FGF13: variants seen among roughly 807,000 people sequenced by gnomAD.
FGF13 encodes fibroblast growth factor homologous factor 2.
Under a neutral mutation model 19.5 loss-of-function variants are expected in FGF13, and 2 were observed. That is an observed-to-expected ratio of 0.10 (90% confidence interval 0.04 to 0.32). The LOEUF (loss-of-function observed/expected upper bound fraction) is 0.32, where lower values mean the gene tolerates loss of function less well. Ranked by LOEUF, FGF13 falls within the 10% of genes least tolerant of loss-of-function variation. The pLI, the probability that FGF13 is intolerant of heterozygous loss-of-function variation, is 1.00. For synonymous variants in FGF13, 72 were observed against 76.9 expected, an observed-to-expected ratio of 0.94 and a Z score of 0.33; for missense variants, 113 against 192.7, an observed-to-expected ratio of 0.59 and a Z score of 2.45.
intron 1 of FGF13, among the ~76,000 whole-genome samples, chrX:138,865,466 T>TCTCTCTC (rs1250703796): frequency 1.0e-4 from 9 of 86,516 alleles, no homozygotes; most frequent in Non-Finnish European, 1.5e-4. Flanking sequence ...TCTCTCTCTC[T>TCTCTCTC]CTCTCTCCTC....
At chrX:138,870,930 T>C (rs1007392012) in intron 1 of FGF13, among the ~76,000 whole-genome samples, 2 of 112,021 alleles carry the variant, frequency 1.8e-5, no homozygotes, top group Admixed American at 9.4e-5. Context: ...AGGAAACAGA[T>C]CCTGCCTAGA....
At chrX:138,733,635 A>G (rs1569378045) in intron 1 of FGF13, among the ~76,000 whole-genome samples, 1 of 111,438 alleles carries the variant, frequency 9.0e-6, no homozygotes, top group Non-Finnish European at 1.9e-5. Flanking sequence ...CCTCAGTATT[A>G]AAATGAGGAA....
intron 1 of FGF13, among the ~76,000 whole-genome samples, chrX:139,168,960 A>G (rs1455361431): frequency 8.9e-6 from 1 of 112,423 alleles, no homozygotes; most frequent in Middle Eastern, 4.2e-3. Context: ...GCTGTAATGG[A>G]GTAGACAGTG....
chrX:138,837,724 T>C (rs1167656052), intron 3 of FGF13, among the ~76,000 whole-genome samples: 1 of 112,052 alleles, frequency 8.9e-6, no homozygotes, highest in African/African-American at 3.2e-5. Context: ...CATGCTTTTG[T>C]AGAGCCGCTG....
intron 1 of FGF13, among the ~76,000 whole-genome samples, chrX:138,884,194 T>TA (rs1244580271): frequency 8.9e-6 from 1 of 112,127 alleles, no homozygotes; most frequent in Non-Finnish European, 1.9e-5. Flanking sequence ...AAAAGGAGTA[T>TA]ATTATACAAT....
intron 1 of FGF13, among the ~76,000 whole-genome samples, chrX:138,917,390 G>A (rs1029775411): frequency 3.6e-5 from 4 of 111,876 alleles, no homozygotes; most frequent in Admixed American, 9.5e-5. Flanking sequence ...AGAAGGTAGC[G>A]ATCTGCAACC....
At chrX:139,038,422 G>A (rs1379208394) in intron 1 of FGF13, among the ~76,000 whole-genome samples, 1 of 111,356 alleles carries the variant, frequency 9.0e-6, no homozygotes, top group East Asian at 2.8e-4. Context: ...AGTTTACCAT[G>A]ACCACCTTTT....
At chrX:138,911,705 T>C (rs570793414) in intron 1 of FGF13, among the ~76,000 whole-genome samples, 2 of 112,045 alleles carry the variant, frequency 1.8e-5, no homozygotes, top group African/African-American at 6.5e-5. Context: ...CCTTCACTGC[T>C]CTGAATCTCC....
chrX:138,739,127 A>G, intron 1 of FGF13: 1 of 486,038 alleles, frequency 2.1e-6, no homozygotes. Flanking sequence ...AGAACGAAAA[A>G]TATCTCAGCA....
chrX:139,098,969 C>A (rs2083488827), intron 1 of FGF13, among the ~76,000 whole-genome samples: 2 of 111,555 alleles, frequency 1.8e-5, no homozygotes, highest in South Asian at 7.6e-4. Context: ...AATGAGGACT[C>A]CCCTGAGTTA....
chrX:139,117,215 A>T, intron 1 of FGF13, among the ~76,000 whole-genome samples: 1 of 111,536 alleles, frequency 9.0e-6, no homozygotes, highest in Non-Finnish European at 1.9e-5. Flanking sequence ...TTTATTTGTC[A>T]CAACTGGAAA....
intron 1 of FGF13, among the ~76,000 whole-genome samples, chrX:138,872,713 CCATGATT>C (rs2091364754): frequency 8.9e-6 from 1 of 112,018 alleles, no homozygotes; most frequent in South Asian, 3.7e-4. Context: ...TCCCTCTGGC[CCATGATT>C]CACTCTTTTA....
chrX:139,192,751 G>A (rs1432291298), intron 1 of FGF13, among the ~76,000 whole-genome samples: 2 of 111,539 alleles, frequency 1.8e-5, no homozygotes, highest in African/African-American at 6.5e-5. Flanking sequence ...CCACAGATAA[G>A]CAACCCATGT....
At chrX:138,679,323 T>A (rs887643506) in intron 3 of FGF13, among the ~76,000 whole-genome samples, 1 of 110,106 alleles carries the variant, frequency 9.1e-6, no homozygotes. Flanking sequence ...AAGTGATCCT[T>A]CCACCTCAGC....
At chrX:138,913,667 AGG>A (rs1285652337) in intron 1 of FGF13, among the ~76,000 whole-genome samples, 8 of 99,107 alleles carry the variant, frequency 8.1e-5, no homozygotes, top group Admixed American at 7.6e-4. Context: ...GAAGGAAGGA[AGG>A]AAGGAAGGAA....
intron 1 of FGF13, among the ~76,000 whole-genome samples, chrX:138,996,391 C>T (rs999864072): frequency 1.9e-4 from 21 of 112,934 alleles, no homozygotes; most frequent in African/African-American, 4.5e-4. Flanking sequence ...GTGCCTGGCT[C>T]GGCATGTCCC....
At chrX:138,854,750 TA>T (rs1425946448), downstream of FGF13, among the ~76,000 whole-genome samples, 1 of 111,328 alleles carries the variant, frequency 9.0e-6, no homozygotes, top group African/African-American at 3.3e-5. Flanking sequence ...TAACATTGCA[TA>T]AAAAAATAAT....
At chrX:138,668,513 T>C (rs2089577743) in intron 3 of FGF13, among the ~76,000 whole-genome samples, 1 of 110,071 alleles carries the variant, frequency 9.1e-6, no homozygotes, top group Admixed American at 9.8e-5. Context: ...ACTCCATTGT[T>C]GGTTATTTTG....
intron 3 of FGF13, among the ~76,000 whole-genome samples, chrX:138,779,962 T>C (rs1340851837): frequency 3.9e-5 from 4 of 103,683 alleles, no homozygotes; most frequent in Non-Finnish European, 5.9e-5. Context: ...TAACAGCGGA[T>C]CTCTCGGCAG....
Sources: allele counts gnomAD v4.1 joint callset (sites outside exome capture counted in the v4.1 genomes callset), GRCh38; gene constraint gnomAD v4.1.1; transcripts MANE v1.5; gene names NCBI Gene and HGNC (gene_info 2026-07-23, HGNC 2026-07-21).